The following CPEB4 variants were observed in gnomAD, a reference collection of about 807,000 sequenced individuals.
The protein encoded by CPEB4 is cytoplasmic polyadenylation element binding protein 4.
A neutral mutation model predicts 72.5 loss-of-function variants in CPEB4; 12 were observed. That is an observed-to-expected ratio of 0.17 (90% CI 0.11 to 0.27). The LOEUF is 0.27. Among genes scored for constraint, CPEB4 ranks in the 10% least tolerant of loss-of-function variants. The pLI, the probability that CPEB4 is intolerant of heterozygous loss-of-function variation, is 1.00. For synonymous variants in CPEB4, 302 were observed against 326.3 expected, an observed-to-expected ratio of 0.93 and a Z score of 0.80; for missense variants, 614 against 908.5, an observed-to-expected ratio of 0.68 and a Z score of 4.17.
chr5:173,903,190 G>C (rs1756303908), intron 1 of CPEB4, among the ~76,000 whole-genome samples: 1 of 152,140 alleles, frequency 6.6e-6, no homozygotes, highest in African/African-American at 2.4e-5. Flanking sequence ...CTCACCTCTT[G>C]ATGCTTTTTC....
intron 1 of CPEB4, among the ~76,000 whole-genome samples, chr5:173,898,639 A>G (rs911893010): frequency 6.6e-6 from 1 of 152,244 alleles, no homozygotes; most frequent in Non-Finnish European, 1.5e-5. Context: ...ATTTCTTAAA[A>G]TCTGAAAACC....
intron 5 of CPEB4, 65 bp from the exon 6 acceptor site, chr5:173,949,441 AAG>A: frequency 8.3e-7 from 1 of 1,198,234 alleles, no homozygotes; most frequent in South Asian, 1.3e-5. Flanking sequence ...TGAAACTTAA[AAG>A]AAAAACTTTC....
chr5:173,927,633 T>C (rs1289381965), intron 2 of CPEB4, among the ~76,000 whole-genome samples: 1 of 151,860 alleles, frequency 6.6e-6, no homozygotes, highest in Non-Finnish European at 1.5e-5. Context: ...AAAAATTATC[T>C]GTGTGTGGTG....
intron 1 of CPEB4, among the ~76,000 whole-genome samples, chr5:173,905,998 A>AT (rs966064442): frequency 4.6e-5 from 7 of 152,186 alleles, no homozygotes; most frequent in African/African-American, 1.4e-4. Context: ...CATTCCACTC[A>AT]TTTATGCTAA....
intron 3 of CPEB4, among the ~76,000 whole-genome samples, chr5:173,937,268 C>T (rs1226132416): frequency 2.6e-5 from 4 of 152,082 alleles, no homozygotes; most frequent in African/African-American, 9.7e-5. Flanking sequence ...GTCTCGAACT[C>T]CTGATCTCAA....
At chr5:173,904,760 T>C (rs994619736) in intron 1 of CPEB4, among the ~76,000 whole-genome samples, 1 of 151,968 alleles carries the variant, frequency 6.6e-6, no homozygotes, top group African/African-American at 2.4e-5. Context: ...CAGTAACCAA[T>C]CTGTGTAGTA....
In CPEB4 at chr5:173,900,212, C is replaced by A. The variant is rs1756176968; in HGVS notation, c.1125+9354C>A. ...CCTGAGGTCGGGAGTTCGAGACCAG[C>A]CTGACCAATATGGAGAAACCCCATC... is the stretch of plus-strand genomic sequence containing the variant. On this transcript the variant is annotated intron_variant, in intron 1 of 9. Coordinates refer to ENST00000265085, the MANE Select transcript of CPEB4 (RefSeq NM_030627.4). This position sits in a 1 kb window ranked among gnomAD's most constrained non-coding sequence, Gnocchi z 4.4. 1.3e-5 allele frequency among the ~76,000 whole-genome samples: 2 copies of A among 152,018 alleles called. No individual in the cohort carries two copies. The highest frequency in any genetic ancestry group is 1.3e-4 in the Admixed American group (2 of 15,250).
rs765273202 is a variant in CPEB4, at chr5:173,944,951, C to T, written c.1283-16C>T. 22 of 1,580,614 alleles carry T rather than the reference C, an allele frequency of 1.4e-5. No homozygotes were observed. The highest frequency in any genetic ancestry group is 1.1e-4 in the Admixed American group (6 of 56,046). On this transcript the variant is annotated splice_polypyrimidine_tract_variant and intron_variant, in intron 4 of 9. Transcript: ENST00000265085. ...AACATTTTCTGTTACCGTTTTTTCC[C>T]TGCTTTCTATTCCAGGTCAGTCTTC...
intron 1 of CPEB4, among the ~76,000 whole-genome samples, chr5:173,902,332 T>C (rs1756266315): frequency 6.6e-6 from 1 of 152,208 alleles, no homozygotes. Context: ...CACAGTAATA[T>C]ATGTTTTTAT....
Position 173,890,319 on chromosome 5 carries a change from C to G in CPEB4, c.586C>G (p.Pro196Ala), listed in dbSNP as rs759513002. 6.2e-7 allele frequency: 1 copy of G among 1,614,142 alleles called. No individual in the cohort carries two copies. Among genetic ancestry groups the G allele is most frequent in the Admixed American group, 1.7e-5 (1 of 60,020 alleles). The change falls in exon 1 of 10, where the codon CCT becomes GCT. Residue 196 changes from proline to alanine, a missense_variant. Pro to Ala is a conservative substitution (Grantham distance 27). Transcript: ENST00000265085. ...DASFFHQGGV[P>A]AASANNGALL... ...AAGTTTCTTTCACCAGGGAGGGGTC[C>G]CTGCTGCTTCGGCTAATAACGGTGC...
chr5:173,945,195 A>G, intron 5 of CPEB4, 55 bp downstream of exon 5: 3 of 1,451,604 alleles, frequency 2.1e-6, no homozygotes, highest in Non-Finnish European at 2.9e-6. Flanking sequence ...ATAGTAGGAA[A>G]CTCACAGATA....
At chr5:173,931,956 CAT>C (rs1483847849) in intron 2 of CPEB4, among the ~76,000 whole-genome samples, 11 of 152,176 alleles carry the variant, frequency 7.2e-5, no homozygotes, top group Non-Finnish European at 1.5e-5. Context: ...TATTTTTCAT[CAT>C]ATGTAAGTTT....
Position 173,944,988 on chromosome 5 carries a change from T to C in CPEB4, c.1304T>C (p.Met435Thr). The change falls in exon 5 of 10, where the codon ATG (methionine) becomes ACG (threonine). Residue 435 changes from methionine (M) to threonine (T), a missense_variant. Met to Thr is a moderately conservative substitution (Grantham distance 81). Transcript: ENST00000265085. The part of the protein sequence containing the change: ...RRRGQSSLFP[M>T]EDGFLDDGRG... Reference sequence around the variant, plus strand: ...CCAGGTCAGTCTTCACTGTTTCCAATGGAAGATGGATTCTTGGATGATGGC... The same window carrying C: ...CCAGGTCAGTCTTCACTGTTTCCAACGGAAGATGGATTCTTGGATGATGGC... 1.2e-6 allele frequency: 2 copies of C among 1,612,860 alleles called. No homozygotes were observed. The highest frequency in any genetic ancestry group is 1.7e-6 in the Non-Finnish European group (2 of 1,179,192).
chr5:173,916,949 C>T (rs998850856), intron 2 of CPEB4, among the ~76,000 whole-genome samples: 9 of 152,072 alleles, frequency 5.9e-5, no homozygotes, highest in African/African-American at 2.2e-4. Flanking sequence ...GAAACCTTAA[C>T]TTTTCTTTCG....
In CPEB4 at chr5:173,948,369, C is replaced by T. The variant is rs541236089; in HGVS notation, c.1457-1139C>T. 5.3e-5 allele frequency among the ~76,000 whole-genome samples: 8 copies of T among 152,160 alleles called. No homozygotes were observed. The East Asian group carries it at 9.7e-4, about 18-fold the overall frequency. On this transcript the variant is annotated intron_variant, in intron 5 of 9. Coordinates refer to ENST00000265085, the MANE Select transcript of CPEB4 (RefSeq NM_030627.4). Reference sequence around the variant, plus strand: ...GTTTGCTTGTGGTAGAGAAACCAGGCGATCAAGATTAACATGCCCTCCAGG... The same window carrying T: ...GTTTGCTTGTGGTAGAGAAACCAGGTGATCAAGATTAACATGCCCTCCAGG...
intron 3 of CPEB4, among the ~76,000 whole-genome samples, chr5:173,933,653 T>C (rs1303526719): frequency 1.3e-5 from 2 of 152,170 alleles, no homozygotes; most frequent in Admixed American, 1.3e-4. Context: ...GGGATATATA[T>C]ATACATGCAG....
chr5:173,922,833 T>A (rs1757120141), intron 2 of CPEB4, among the ~76,000 whole-genome samples: 1 of 152,214 alleles, frequency 6.6e-6, no homozygotes, highest in Non-Finnish European at 1.5e-5. Flanking sequence ...AGGCCATTCA[T>A]ACAACAAATA....
chr5:173,934,413 A>G (rs1757549556), intron 3 of CPEB4, among the ~76,000 whole-genome samples: 1 of 152,180 alleles, frequency 6.6e-6, no homozygotes, highest in Admixed American at 6.5e-5. Flanking sequence ...ATAAAGGCAT[A>G]CTGACTTGGG....
intron 4 of CPEB4, 48 bp downstream of exon 4, chr5:173,943,097 A>C: frequency 6.3e-7 from 1 of 1,584,170 alleles, no homozygotes; most frequent in Non-Finnish European, 8.6e-7. Context: ...TTTGGAGACG[A>C]CCCAAGCTTG....
Sources: allele counts gnomAD v4.1 joint callset (sites outside exome capture counted in the v4.1 genomes callset), GRCh38; gene constraint gnomAD v4.1.1; non-coding constraint Gnocchi (gnomAD v3.1); transcripts MANE v1.5; gene names NCBI Gene and HGNC (gene_info 2026-07-23, HGNC 2026-07-21).